IFT80: variants seen among roughly 807,000 people sequenced by gnomAD.
IFT80 encodes the protein intraflagellar transport 80.
Under a neutral mutation model 107.9 loss-of-function variants are expected in IFT80, and 79 were observed. That is an observed-to-expected ratio of 0.73 (90% CI 0.61 to 0.88). IFT80 has a LOEUF of 0.88. IFT80 is among the 40% of genes least tolerant of loss of function. The probability of loss-of-function intolerance (pLI) is 0.00; values close to 1 mark genes in which losing one functional copy is unlikely to be tolerated. For missense variants in IFT80, 797 were observed against 914.2 expected, an observed-to-expected ratio of 0.87 and a Z score of 1.65; for synonymous variants, 299 against 300.9, an observed-to-expected ratio of 0.99 and a Z score of 0.07.
intron 9 of IFT80, among the ~76,000 whole-genome samples, chr3:160,310,319 C>T (rs566977365): frequency 2.6e-5 from 4 of 152,186 alleles, no homozygotes; most frequent in African/African-American, 7.2e-5. Context: ...AGAATAACCA[C>T]GATGGGTTGA....
intron 8 of IFT80, among the ~76,000 whole-genome samples, chr3:160,342,108 G>GCAT (rs1476264925): frequency 5.9e-5 from 9 of 152,090 alleles, no homozygotes; most frequent in Admixed American, 1.3e-4. Flanking sequence ...CTTATAAGAG[G>GCAT]AAGCAAGCAG....
intron 12 of IFT80, among the ~76,000 whole-genome samples, chr3:160,300,081 T>C (rs1392000557): frequency 6.6e-6 from 1 of 152,158 alleles, no homozygotes; most frequent in African/African-American, 2.4e-5. Context: ...CACCTCAGAA[T>C]CCTTGCACTT....
chr3:160,322,320 A>G (rs1718299776), intron 8 of IFT80, among the ~76,000 whole-genome samples: 1 of 151,682 alleles, frequency 6.6e-6, no homozygotes, highest in Non-Finnish European at 1.5e-5. Context: ...TTTACTGAGA[A>G]TGATGATTTC....
intron 1 of IFT80, among the ~76,000 whole-genome samples, chr3:160,385,127 C>G (rs1382316678): frequency 5.3e-5 from 8 of 152,126 alleles, no homozygotes; most frequent in Admixed American, 5.2e-4. Context: ...AGATACACTG[C>G]CCAACAGTTA....
chr3:160,388,780 G>A (rs1397745873), intron 1 of IFT80, among the ~76,000 whole-genome samples: 2 of 151,976 alleles, frequency 1.3e-5, no homozygotes, highest in Admixed American at 6.6e-5. Context: ...AAATATACAA[G>A]GCCCTTAAAT....
At chr3:160,312,547 C>T (rs1195348049) in intron 9 of IFT80, among the ~76,000 whole-genome samples, 1 of 118,700 alleles carries the variant, frequency 8.4e-6, no homozygotes, top group Non-Finnish European at 1.7e-5. Context: ...AGATCTTTAT[C>T]TTGTGTTTGA....
chr3:160,310,589 T>C (rs1474829135), intron 9 of IFT80, among the ~76,000 whole-genome samples: 1 of 152,042 alleles, frequency 6.6e-6, no homozygotes, highest in Non-Finnish European at 1.5e-5. Flanking sequence ...CAACCCCCAA[T>C]GAAAAATAGG....
intron 6 of IFT80, among the ~76,000 whole-genome samples, chr3:160,364,269 T>A (rs1310454522): frequency 6.6e-6 from 1 of 152,132 alleles, no homozygotes; most frequent in East Asian, 1.9e-4. Flanking sequence ...TCAACACTGG[T>A]CATCAGAGAA....
chr3:160,336,540 A>T (rs1318190090), intron 8 of IFT80, among the ~76,000 whole-genome samples: 1 of 152,106 alleles, frequency 6.6e-6, no homozygotes, highest in African/African-American at 2.4e-5. Context: ...CTCTATAGAT[A>T]ACAATTTTTT....
Position 160,319,761 on chromosome 3 carries a change from T to G in IFT80, c.956A>C (p.Gln319Pro). The G allele has an allele frequency of 2.5e-6, 4 of 1,612,308 alleles. No homozygotes were observed. The highest frequency in any genetic ancestry group is 3.4e-6 in the Non-Finnish European group (4 of 1,178,648). The change falls in exon 9 of 20, where the codon CAG (glutamine) becomes CCG (proline). Residue 319 changes from glutamine to proline, a missense_variant and splice_region_variant. By Grantham distance (76) the Gln-to-Pro change is moderately conservative. Coordinates refer to ENST00000326448, the MANE Select transcript of IFT80 (RefSeq NM_020800.3). Reference sequence around the variant, plus strand: ...ATCAACCTTGGAACATAATAATACCTGCATGGCTCTTCTTTTCGTTAATGT... The same window carrying G: ...ATCAACCTTGGAACATAATAATACCGGCATGGCTCTTCTTTTCGTTAATGT... ...QVTLTKRRAMQVRNVLNDAVD... is the reference protein window; with the variant it reads ...QVTLTKRRAMPVRNVLNDAVD...
chr3:160,348,918 G>C (rs1460752983), intron 8 of IFT80, among the ~76,000 whole-genome samples: 2 of 152,148 alleles, frequency 1.3e-5, no homozygotes, highest in African/African-American at 4.8e-5. Flanking sequence ...CAGGGACTAG[G>C]AATAGAGTAG....
At chr3:160,323,887 C>T (rs573056029) in intron 8 of IFT80, among the ~76,000 whole-genome samples, 1 of 151,596 alleles carries the variant, frequency 6.6e-6, no homozygotes, top group African/African-American at 2.4e-5. Context: ...ACTAGCAAGA[C>T]TAATAAAGAA....
intron 8 of IFT80, among the ~76,000 whole-genome samples, chr3:160,338,569 C>T (rs918267072): frequency 6.6e-6 from 1 of 151,074 alleles, no homozygotes. Flanking sequence ...GAGGCTGAGG[C>T]TACAGTGAGC....
chr3:160,324,045 C>T (rs1297060283), intron 8 of IFT80, among the ~76,000 whole-genome samples: 1 of 152,148 alleles, frequency 6.6e-6, no homozygotes, highest in African/African-American at 2.4e-5. Context: ...TTGATAAATT[C>T]CTCGACGCAT....
chr3:160,390,092 A>G (rs1454543001), intron 1 of IFT80, among the ~76,000 whole-genome samples: 1 of 152,194 alleles, frequency 6.6e-6, no homozygotes, highest in African/African-American at 2.4e-5. Flanking sequence ...TTGGGAGGCA[A>G]AATAGCTTCT....
At chr3:160,287,492 C>T (rs1305603219) in intron 12 of IFT80, among the ~76,000 whole-genome samples, 1 of 152,146 alleles carries the variant, frequency 6.6e-6, no homozygotes, top group Non-Finnish European at 1.5e-5. Flanking sequence ...TAGTTGGTAT[C>T]AGGTTACTGA....
At chr3:160,310,999 C>T (rs1717203491) in intron 9 of IFT80, among the ~76,000 whole-genome samples, 1 of 152,096 alleles carries the variant, frequency 6.6e-6, no homozygotes, top group Non-Finnish European at 1.5e-5. Flanking sequence ...GTGGCAGACA[C>T]CTGTGGTCCC....
At chr3:160,355,619 G>A (rs969339080) in intron 8 of IFT80, among the ~76,000 whole-genome samples, 4 of 151,418 alleles carry the variant, frequency 2.6e-5, no homozygotes, top group South Asian at 2.1e-4. Flanking sequence ...ATATGCAATC[G>A]AGATTTCGTA....
chr3:160,393,516 G>A (rs2108423510), intron 1 of IFT80, among the ~76,000 whole-genome samples: 1 of 152,300 alleles, frequency 6.6e-6, no homozygotes, highest in South Asian at 2.1e-4. Flanking sequence ...CCAGGGGCTA[G>A]GGGAAGGAAG....
Sources: allele counts gnomAD v4.1 joint callset (sites outside exome capture counted in the v4.1 genomes callset), GRCh38; gene constraint gnomAD v4.1.1; transcripts MANE v1.5; gene names NCBI Gene and HGNC (gene_info 2026-07-23, HGNC 2026-07-21).